Variants in CKMT2 observed in about 807,000 individuals in gnomAD.
The protein encoded by CKMT2 is creatine kinase S-type, mitochondrial.
A neutral mutation model predicts 48.9 loss-of-function variants in CKMT2; 43 were observed. That is an observed-to-expected ratio of 0.88 (90% confidence interval 0.69 to 1.13). CKMT2 has a LOEUF of 1.13. Among genes scored for constraint, CKMT2 ranks in the 50% most tolerant of loss-of-function variants. The pLI is 0.00. For missense variants in CKMT2, 472 were observed against 555.4 expected (o/e 0.85, Z 1.51); for synonymous variants, 206 against 213.0 (o/e 0.97, Z 0.29).
intron 8 of CKMT2, among the ~76,000 whole-genome samples, chr5:81,260,902 G>C (rs954394392): frequency 6.6e-6 from 1 of 152,144 alleles, no homozygotes; most frequent in Non-Finnish European, 1.5e-5. Flanking sequence ...ACCTGGCAGA[G>C]ACACAATAAA....
At chr5:81,240,783 T>C (rs1756409055) in intron 1 of CKMT2, among the ~76,000 whole-genome samples, 1 of 152,188 alleles carries the variant, frequency 6.6e-6, no homozygotes, top group Non-Finnish European at 1.5e-5. Flanking sequence ...TTGAAAAAAG[T>C]ACCCTGCCCT....
At chr5:81,252,588 C>G in intron 2 of CKMT2, 107 bp from the exon 3 acceptor site, 1 of 1,123,528 alleles carries the variant, frequency 8.9e-7, no homozygotes, top group Non-Finnish European at 1.3e-6. Flanking sequence ...TCCCTGTGCC[C>G]ACTGGCTGAA....
intron 1 of CKMT2, chr5:81,242,391 T>A (rs1350809954): frequency 6.0e-6 from 3 of 499,704 alleles, no homozygotes; most frequent in Non-Finnish European, 1.2e-5. Flanking sequence ...CTTGCCATAG[T>A]CCTTAACTAC....
chr5:81,248,553 T>A (rs972227162), intron 1 of CKMT2, among the ~76,000 whole-genome samples: 2 of 152,218 alleles, frequency 1.3e-5, no homozygotes, highest in African/African-American at 2.4e-5. Context: ...ACTGACATGA[T>A]GACCTGAAAT....
At chr5:81,243,260 C>T (rs897929040) in intron 1 of CKMT2, among the ~76,000 whole-genome samples, 3 of 152,166 alleles carry the variant, frequency 2.0e-5, no homozygotes, top group African/African-American at 7.2e-5. Context: ...GAATGAGCAG[C>T]CCATGAGTAC....
chr5:81,255,188 G>A lies in CKMT2; in HGVS notation c.643G>A (p.Glu215Lys), dbSNP rs1297888700. 1 of 1,614,090 alleles carries A rather than the reference G, an allele frequency of 6.2e-7. No homozygotes were observed. The highest frequency in any genetic ancestry group is 1.7e-5 in the Admixed American group (1 of 60,030). ...CTACTACAAGCTGTCCGAGATGACG[G>A]AGCAGGACCAGCAGCGGCTCATCGA... ...GRYYKLSEMT[E>K]QDQQRLIDDH... The change falls in exon 5 of 10, where the codon GAG becomes AAG. Residue 215 changes from glutamate (E) to lysine (K), a missense_variant. Coordinates refer to ENST00000254035, the MANE Select transcript of CKMT2 (RefSeq NM_001099735.2).
intron 6 of CKMT2, 77 bp from the exon 7 acceptor site, chr5:81,257,656 C>CCAGG (rs1554046543): frequency 3.7e-6 from 5 of 1,340,808 alleles, no homozygotes; most frequent in East Asian, 2.4e-5. Flanking sequence ...AGCAATCAAG[C>CCAGG]TAGGGAGGTA....
Position 81,255,093 on chromosome 5 carries a change from C to T in CKMT2, c.548C>T (p.Ala183Val), listed in dbSNP as rs1211201350. 1 of 1,613,974 alleles carries T rather than the reference C, an allele frequency of 6.2e-7. No homozygotes were observed. Among genetic ancestry groups the T allele is most frequent in the Non-Finnish European group, 8.5e-7 (1 of 1,180,022 alleles). The change falls in exon 5 of 10, where the codon GCC becomes GTC. Residue 183 changes from alanine (A) to valine (V), a missense_variant. Coordinates refer to ENST00000254035, the MANE Select transcript of CKMT2 (RefSeq NM_001099735.2). The part of the protein sequence containing the change: ...GLSLPPACTR[A>V]ERREVENVAI... ...AGCCTGCCTCCAGCCTGCACCCGGG[C>T]CGAGCGAAGGGAGGTAGAGAACGTG...
chr5:81,252,966 T>A, intron 3 of CKMT2, 73 bp downstream of exon 3: 2 of 1,530,504 alleles, frequency 1.3e-6, no homozygotes, highest in Non-Finnish European at 1.8e-6. Context: ...AGTCCTGGGG[T>A]CCTTTTCTTC....
chr5:81,259,539 ATCTCCTT>A (rs1162192851), intron 8 of CKMT2, among the ~76,000 whole-genome samples: 3 of 152,048 alleles, frequency 2.0e-5, no homozygotes, highest in Non-Finnish European at 4.4e-5. Context: ...GGTTCTTTCT[ATCTCCTT>A]TCTCCATCTC....
chr5:81,266,242 A>T lies in CKMT2; in HGVS notation c.1244A>T (p.Gln415Leu), dbSNP rs774955293. ...ATTAAGGTGCCACCCCCTCTGCCTC[A>T]GTTTGGCAAAAAGTAAACTTTCCCT... ...QDIKVPPPLP[Q>L]FGKK The change falls in exon 10 of 10, where the codon CAG (glutamine) becomes CTG (leucine). Residue 415 changes from glutamine to leucine, a missense_variant. Gln to Leu is a moderately radical substitution (Grantham distance 113). Coordinates refer to ENST00000254035, the MANE Select transcript of CKMT2 (RefSeq NM_001099735.2). 1 of 1,613,190 alleles carries T rather than the reference A, an allele frequency of 6.2e-7. No individual in the cohort carries two copies. Among genetic ancestry groups the T allele is most frequent in the Non-Finnish European group, 8.5e-7 (1 of 1,179,240 alleles).
intron 2 of CKMT2, among the ~76,000 whole-genome samples, chr5:81,251,617 A>G (rs895270465): frequency 6.6e-6 from 1 of 152,136 alleles, no homozygotes; most frequent in African/African-American, 2.4e-5. Flanking sequence ...CAAAAACAAA[A>G]AAAAATCTTC....
At position 81,254,981 on chromosome 5, in the gene CKMT2, T is replaced by C; in HGVS notation, c.448-12T>C. 6.2e-7 allele frequency: 1 copy of C among 1,611,988 alleles called. No individual in the cohort carries two copies. ...GAGGCTGGCCACAGTGACCCCACAG[T>C]CTGCTTGGCAGATCACCCAAGGGCA... On this transcript the variant is annotated splice_polypyrimidine_tract_variant and intron_variant, in intron 4 of 9. Transcript: ENST00000254035.
At position 81,248,229 on chromosome 5, in the gene CKMT2, A is replaced by C. The variant is rs543943966; in HGVS notation, c.-20-2884A>C. Among the ~76,000 whole-genome samples, 7 of 152,328 alleles carry C rather than the reference A, an allele frequency of 4.6e-5. No individual in the cohort carries two copies. The East Asian group carries it at 1.4e-3, about 29-fold the overall frequency. ...ATTTAAGGAATGAAAAATAGGGACCAGGACATTTGGGTCATCCCTGGTCAA... is the reference window on the plus strand; with the variant it reads ...ATTTAAGGAATGAAAAATAGGGACCCGGACATTTGGGTCATCCCTGGTCAA... On this transcript the variant is annotated intron_variant, in intron 1 of 9. Transcript: ENST00000254035.
At chr5:81,248,948 G>A (rs1167090225) in intron 1 of CKMT2, among the ~76,000 whole-genome samples, 1 of 152,126 alleles carries the variant, frequency 6.6e-6, no homozygotes. Context: ...TTCAGCTACA[G>A]CCTTACACAT....
chr5:81,252,763 C>G lies in CKMT2; in HGVS notation c.221C>G (p.Ala74Gly). Residue 74 changes from alanine (A) to glycine (G), a missense_variant, in exon 3 of 10, where the codon GCC becomes GGC. Physicochemically the swap from Ala to Gly is moderately conservative, Grantham distance 60. Transcript: ENST00000254035. ...MAECLTPAIY[A>G]KLRNKVTPNG... ...GAGTGCCTCACCCCCGCCATTTATG[C>G]CAAGCTTCGCAACAAGGTGACACCC... is the stretch of plus-strand genomic sequence containing the variant. 1 of 1,614,228 alleles carries G rather than the reference C, an allele frequency of 6.2e-7. No individual in the cohort carries two copies.
chr5:81,240,135 C>T (rs1561276237), intron 1 of CKMT2, among the ~76,000 whole-genome samples: 1 of 152,094 alleles, frequency 6.6e-6, no homozygotes, highest in African/African-American at 2.4e-5. Flanking sequence ...TCACATGACC[C>T]GCTGACCGCC....
intron 1 of CKMT2, among the ~76,000 whole-genome samples, chr5:81,236,516 G>C (rs754484668): frequency 6.6e-6 from 1 of 152,122 alleles, no homozygotes; most frequent in East Asian, 1.9e-4. Context: ...GTGTTTGTAA[G>C]GTCCCTTACA....
intron 1 of CKMT2, among the ~76,000 whole-genome samples, chr5:81,248,360 G>A (rs959361794): frequency 6.6e-6 from 1 of 152,236 alleles, no homozygotes; most frequent in Non-Finnish European, 1.5e-5. Context: ...TTTCACTTTA[G>A]TGAGTTCTAC....
Sources: gnomAD v4.1 joint callset for allele counts (sites outside exome capture counted in the v4.1 genomes callset) on GRCh38, gnomAD v4.1.1 for gene constraint, MANE v1.5 for transcripts, NCBI Gene and HGNC (gene_info 2026-07-23, HGNC 2026-07-21) for gene names.